Variants in SPATS2L observed in about 807,000 individuals in gnomAD.
SPATS2L encodes spermatogenesis associated serine rich 2 like, also known as SPATS2-like protein.
SPATS2L carries 30 observed loss-of-function variants against 59.6 expected under a neutral mutation model. That is an observed-to-expected ratio of 0.50 (90% confidence interval 0.38 to 0.68). SPATS2L has a LOEUF of 0.68. Ranked by LOEUF, SPATS2L falls within the 30% of genes least tolerant of loss-of-function variation. The pLI, the probability that SPATS2L is intolerant of heterozygous loss-of-function variation, is 0.00. For synonymous variants in SPATS2L, 252 were observed against 263.5 expected (o/e 0.96, Z 0.42); for missense variants, 615 against 700.0 (o/e 0.88, Z 1.37).
intron 3 of SPATS2L, among the ~76,000 whole-genome samples, chr2:200,395,866 C>T (rs1042773369): frequency 1.3e-5 from 2 of 151,050 alleles, no homozygotes; most frequent in African/African-American, 4.9e-5. Context: ...CAAAAATTAG[C>T]TGGGAGTGGT....
intron 3 of SPATS2L, among the ~76,000 whole-genome samples, chr2:200,393,977 G>GCAGCTTT (rs1396202330): frequency 6.6e-5 from 10 of 152,134 alleles, no homozygotes; most frequent in Admixed American, 6.5e-5. Context: ...TAGGTGCTTT[G>GCAGCTTT]GTGAGGAAAT....
At chr2:200,446,119 G>A (rs1300909720) in intron 8 of SPATS2L, among the ~76,000 whole-genome samples, 1 of 152,136 alleles carries the variant, frequency 6.6e-6, no homozygotes, top group Non-Finnish European at 1.5e-5. Context: ...CAGGAGGATT[G>A]CTTGAGCCCA....
chr2:200,341,479 TG>T (rs1401104871), intron 2 of SPATS2L, among the ~76,000 whole-genome samples: 3 of 152,128 alleles, frequency 2.0e-5, no homozygotes, highest in Non-Finnish European at 4.4e-5. Context: ...GGTTGAAGTC[TG>T]GGGGAAATGT....
At chr2:200,374,397 C>T (rs1045647528) in intron 2 of SPATS2L, among the ~76,000 whole-genome samples, 10 of 152,170 alleles carry the variant, frequency 6.6e-5, no homozygotes, top group Admixed American at 6.5e-4. Context: ...TTAAGCTCAC[C>T]TAAACTAAAG....
rs1189021308 is a variant in SPATS2L at position 200,479,766 on chromosome 2, G to A, written c.*1735G>A. The A allele has an allele frequency of 2.5e-6, 1 of 398,530 alleles. No individual in the cohort carries two copies. The highest frequency in any genetic ancestry group is 3.6e-5 in the East Asian group (1 of 28,076). The allele number at this position is 398,530 out of a possible 1,614,324, so 24.7% of individuals were successfully genotyped here. On this transcript the variant is annotated 3_prime_UTR_variant, in exon 13 of 13. Coordinates refer to ENST00000409140, the MANE Select transcript of SPATS2L (RefSeq NM_001100423.2). The stretch of plus-strand genomic sequence containing the variant: ...AGGTTCACTGGTTCTCTTCCACAGA[G>A]CGGCCCTGAGCAGCTGAGCCTGCAA...
At chr2:200,393,332 A>G (rs956657820) in intron 3 of SPATS2L, 8 of 456,678 alleles carry the variant, frequency 1.8e-5, no homozygotes, top group South Asian at 4.6e-5. Context: ...CATCATGCCA[A>G]TGAGGGAAAA....
At chr2:200,461,075 G>A (rs2106192638) in intron 9 of SPATS2L, 1 of 152,232 alleles carries the variant, frequency 6.6e-6, no homozygotes, top group Middle Eastern at 3.4e-3. Context: ...GCCTCCCAAA[G>A]TGCTGGGATT....
intron 2 of SPATS2L, 77 bp downstream of exon 2, chr2:200,329,557 C>G (rs1195262826): frequency 7.9e-7 from 1 of 1,268,038 alleles, no homozygotes; most frequent in East Asian, 2.5e-5. Context: ...CTGCAGCTGC[C>G]TCCTGGGAGC....
intron 1 of SPATS2L, among the ~76,000 whole-genome samples, chr2:200,327,535 T>C (rs2079794023): frequency 6.6e-6 from 1 of 152,256 alleles, no homozygotes; most frequent in Non-Finnish European, 1.5e-5. Context: ...TTTTGGGGAA[T>C]GTCTAAAAGT....
intron 2 of SPATS2L, among the ~76,000 whole-genome samples, chr2:200,382,385 A>T (rs1297137422): frequency 6.6e-6 from 1 of 152,118 alleles, no homozygotes; most frequent in Non-Finnish European, 1.5e-5. Context: ...AAAAATAGCC[A>T]TTTCTTTGAA....
chr2:200,400,930 C>T (rs2082505300), intron 3 of SPATS2L, among the ~76,000 whole-genome samples: 1 of 152,120 alleles, frequency 6.6e-6, no homozygotes, highest in Non-Finnish European at 1.5e-5. Flanking sequence ...CTGTATTTTT[C>T]AAAGAGACAA....
chr2:200,306,871 C>A lies in SPATS2L; in HGVS notation c.-124C>A. 2.0e-6 allele frequency: 2 copies of A among 981,062 alleles called. No homozygotes were observed. Among genetic ancestry groups the A allele is most frequent in the Non-Finnish European group, 2.4e-6 (2 of 828,202 alleles). The allele number at this position is 981,062 out of a possible 1,614,324, so 60.8% of individuals were successfully genotyped here. ...GCGGCGCCTCCCCTGGCGACCGCGCCCCCGGGCCCCGGCTCCGGCCCGGGA... is the reference window on the plus strand; with the variant it reads ...GCGGCGCCTCCCCTGGCGACCGCGCACCCGGGCCCCGGCTCCGGCCCGGGA... On this transcript the variant is annotated 5_prime_UTR_variant, in exon 1 of 13. Coordinates refer to ENST00000409140, the MANE Select transcript of SPATS2L (RefSeq NM_001100423.2).
chr2:200,310,565 T>G (rs1296862812), intron 1 of SPATS2L, among the ~76,000 whole-genome samples: 2 of 152,248 alleles, frequency 1.3e-5, no homozygotes, highest in Non-Finnish European at 2.9e-5. Flanking sequence ...TCAAAACTCT[T>G]CAAGGATTGT....
At chr2:200,343,729 G>A (rs1298282879) in intron 2 of SPATS2L, among the ~76,000 whole-genome samples, 1 of 152,104 alleles carries the variant, frequency 6.6e-6, no homozygotes, top group Non-Finnish European at 1.5e-5. Context: ...TGATGTCACA[G>A]TCATACAATA....
intron 10 of SPATS2L, among the ~76,000 whole-genome samples, chr2:200,468,376 A>ACACG (rs1203772365): frequency 6.6e-6 from 1 of 151,558 alleles, no homozygotes; most frequent in African/African-American, 2.4e-5. Context: ...ACACACACAC[A>ACACG]CACGCCTTCC....
At chr2:200,346,864 A>T (rs2080528828) in intron 2 of SPATS2L, among the ~76,000 whole-genome samples, 1 of 152,214 alleles carries the variant, frequency 6.6e-6, no homozygotes, top group African/African-American at 2.4e-5. Flanking sequence ...TATAAGAAGA[A>T]ATTAGGATTT....
At chr2:200,393,006 A>G (rs1195416724) in intron 3 of SPATS2L, 3 of 335,358 alleles carry the variant, frequency 8.9e-6, no homozygotes, top group Non-Finnish European at 1.8e-5. Flanking sequence ...TGAGTAAAAA[A>G]TAGCAGCAAG....
chr2:200,402,088 A>G (rs189339406), intron 3 of SPATS2L, among the ~76,000 whole-genome samples: 1 of 152,284 alleles, frequency 6.6e-6, no homozygotes, highest in Admixed American at 6.5e-5. Context: ...CTTCCTCCCA[A>G]GAAATTTGTG....
In SPATS2L at chr2:200,473,060, G is replaced by A. The variant is rs201210526; in HGVS notation, c.1281+8G>A. On this transcript the variant is annotated splice_region_variant and intron_variant, in intron 12 of 12. Transcript: ENST00000409140. The stretch of plus-strand genomic sequence containing the variant: ...ATGCCGGCCAACAAGCAGGTAAGCC[G>A]ACACTGGTGCAGGGTGCCAGAGGAA... The A allele has an allele frequency of 3.6e-5, 57 of 1,604,444 alleles. No individual in the cohort carries two copies. Among genetic ancestry groups the A allele is most frequent in the Non-Finnish European group, 4.5e-5 (53 of 1,174,220 alleles).
Sources: gnomAD v4.1 joint callset for allele counts (sites outside exome capture counted in the v4.1 genomes callset) on GRCh38, gnomAD v4.1.1 for gene constraint, MANE v1.5 for transcripts, NCBI Gene and HGNC (gene_info 2026-07-23, HGNC 2026-07-21) for gene names.